NFIX: variants seen among roughly 807,000 people sequenced by gnomAD.
The protein encoded by NFIX is nuclear factor I X.
In NFIX, 2 loss-of-function variants were observed where a neutral mutation model predicts 53.3. The observed-to-expected ratio is 0.04, with a 90% CI of 0.02 to 0.12. NFIX has a LOEUF of 0.12. NFIX is among the 10% of genes least tolerant of loss of function. NFIX has a pLI of 1.00. For synonymous variants in NFIX, 244 were observed against 289.0 expected, an observed-to-expected ratio of 0.84 and a Z score of 1.58; for missense variants, 310 against 674.5, an observed-to-expected ratio of 0.46 and a Z score of 5.99.
intron 1 of NFIX, among the ~76,000 whole-genome samples, chr19:13,018,234 G>A (rs1271730458): frequency 6.6e-6 from 1 of 151,594 alleles, no homozygotes; most frequent in Non-Finnish European, 1.5e-5. Context: ...AGGGAGATGT[G>A]CCTGGAGCAG....
rs535195530 is a variant in NFIX at position 13,015,568 on chromosome 19, G to A, written c.28-9453G>A. ...CTTTGGGAACCCCTGGCTCTGCAGA[G>A]TCATTTTCCTTCATGACCTACATAC... is the stretch of plus-strand genomic sequence containing the variant. On this transcript the variant is annotated intron_variant, in intron 1 of 10. Coordinates refer to ENST00000592199, the MANE Select transcript of NFIX (RefSeq NM_001365902.3). Among the ~76,000 whole-genome samples the A allele has an allele frequency of 3.9e-5, 6 of 152,336 alleles. No individual in the cohort carries two copies. In the East Asian group the frequency reaches 1.2e-3, roughly 29 times the overall value.
At chr19:13,062,777 T>A (rs577489524) in intron 2 of NFIX, among the ~76,000 whole-genome samples, 1 of 152,238 alleles carries the variant, frequency 6.6e-6, no homozygotes, top group Non-Finnish European at 1.5e-5. Flanking sequence ...GGTCAGTCCC[T>A]GCTCCACCAA....
intron 2 of NFIX, among the ~76,000 whole-genome samples, chr19:13,031,841 C>T (rs988602600): frequency 2.0e-5 from 3 of 152,158 alleles, no homozygotes; most frequent in Non-Finnish European, 4.4e-5. Context: ...GCCAGTGCTA[C>T]GTTCTCCCTC....
Position 13,094,795 on chromosome 19 carries a change from T to C in NFIX, c.*146T>C. 1 of 834,432 alleles carries C rather than the reference T, an allele frequency of 1.2e-6. No homozygotes were observed. The highest frequency in any genetic ancestry group is 1.9e-6 in the Non-Finnish European group (1 of 538,616). The allele number at this position is 834,432 out of a possible 1,614,324, so 51.7% of individuals were successfully genotyped here. ...CACGTCGTCAGCCACTCAGCCCTTCTCTCCTCCAGCCCGGGGACCCCCGCG... is the reference window on the plus strand; with the variant it reads ...CACGTCGTCAGCCACTCAGCCCTTCCCTCCTCCAGCCCGGGGACCCCCGCG... On this transcript the variant is annotated 3_prime_UTR_variant, in exon 11 of 11. Transcript: ENST00000592199. This position sits in a 1 kb window ranked among gnomAD's most constrained non-coding sequence, Gnocchi z 4.3.
rs2014301465 is a variant in NFIX at position 13,037,659 on chromosome 19, A to G, written c.559+12107A>G. Among the ~76,000 whole-genome samples, 1 of 152,186 alleles carries G rather than the reference A, an allele frequency of 6.6e-6. No homozygotes were observed. The highest frequency in any genetic ancestry group is 1.5e-5 in the Non-Finnish European group (1 of 68,036). On this transcript the variant is annotated intron_variant, in intron 2 of 10. Coordinates refer to ENST00000592199, the MANE Select transcript of NFIX (RefSeq NM_001365902.3). This position sits in a 1 kb window ranked among gnomAD's most constrained non-coding sequence, Gnocchi z 4.2. ...GACCAACTCGTCCTGGTTTGCTCAG[A>G]GTTTCACAGCCCCTCACCTCGGTAA...
chr19:13,000,560 G>A (rs1548546), intron 1 of NFIX, among the ~76,000 whole-genome samples: 66,095 of 148,148 alleles, frequency 0.45, 15,173 homozygotes, highest in East Asian at 0.64. Context: ...GGGGGAGAGT[G>A]GGGGGCAGGA....
At chr19:13,085,536 G>A in intron 8 of NFIX, among the ~76,000 whole-genome samples, 1 of 152,212 alleles carries the variant, frequency 6.6e-6, no homozygotes, top group East Asian at 1.9e-4. Flanking sequence ...TTTCTCTGCA[G>A]CGCTGCAAAC....
At chr19:13,054,226 T>C (rs1196599293) in intron 2 of NFIX, among the ~76,000 whole-genome samples, 1 of 152,044 alleles carries the variant, frequency 6.6e-6, no homozygotes, top group African/African-American at 2.4e-5. Context: ...GGGGGACAAG[T>C]GGAGGTTCAA....
At position 13,025,732 on chromosome 19, in the gene NFIX, C is replaced by T. The variant is rs1251832585; in HGVS notation, c.559+180C>T. ...TTTTCCTTTTTCCTGTCTTCTGTCT[C>T]CCCCGACCTGTTCTATTCTTCCTCC... is the stretch of plus-strand genomic sequence containing the variant. On this transcript the variant is annotated intron_variant, in intron 2 of 10. Transcript: ENST00000592199. The surrounding 1 kb of genome is among the most constrained non-coding windows in gnomAD (Gnocchi z 7.5). Among the ~76,000 whole-genome samples, 4 of 152,182 alleles carry T rather than the reference C, an allele frequency of 2.6e-5. No homozygotes were observed. The highest frequency in any genetic ancestry group is 7.2e-5 in the African/African-American group (3 of 41,446).
At chr19:13,079,202 A>G (rs753529738) in intron 7 of NFIX, among the ~76,000 whole-genome samples, 8 of 152,128 alleles carry the variant, frequency 5.3e-5, no homozygotes, top group Non-Finnish European at 1.2e-4. Flanking sequence ...GAGTACTCCT[A>G]AGGAGCCCAG....
intron 2 of NFIX, among the ~76,000 whole-genome samples, chr19:13,031,414 AGCAGAAGGGCTGGGGTCCAGACGT>A (rs1039309649): frequency 6.6e-6 from 1 of 152,200 alleles, no homozygotes; most frequent in African/African-American, 2.4e-5. Context: ...GCTACTCTGC[AGCAGAAGGGCTGGGGTCCAGACGT>A]GCAGAAGGAC....
At chr19:13,053,656 G>A (rs1385601705) in intron 2 of NFIX, among the ~76,000 whole-genome samples, 1 of 152,208 alleles carries the variant, frequency 6.6e-6, no homozygotes, top group African/African-American at 2.4e-5. Context: ...AAGGATGTCA[G>A]TGGGGCACCT....
intron 2 of NFIX, among the ~76,000 whole-genome samples, chr19:13,053,512 G>A (rs548245873): frequency 6.8e-4 from 104 of 152,246 alleles, no homozygotes; most frequent in African/African-American, 2.5e-3. Context: ...ATGGGAGCAG[G>A]GTGACTCTGG....
Position 13,021,606 on chromosome 19 carries a change from A to T in NFIX, c.28-3415A>T, listed in dbSNP as rs1843844781. On this transcript the variant is annotated intron_variant, in intron 1 of 10. Coordinates refer to ENST00000592199, the MANE Select transcript of NFIX (RefSeq NM_001365902.3). The surrounding 1 kb of genome is among the most constrained non-coding windows in gnomAD (Gnocchi z 4.2). ...GGGCGGCTGTAGGGATGGGGTTCTG[A>T]GTGGAATTGGATCCCTTTCTCCCTG... Among the ~76,000 whole-genome samples, 1 of 152,068 alleles carries T rather than the reference A, an allele frequency of 6.6e-6. No individual in the cohort carries two copies. Among genetic ancestry groups the T allele is most frequent in the African/African-American group, 2.4e-5 (1 of 41,392 alleles).
chr19:13,050,310 A>G (rs993131966), intron 2 of NFIX, among the ~76,000 whole-genome samples: 6 of 152,140 alleles, frequency 3.9e-5, no homozygotes, highest in African/African-American at 1.4e-4. Flanking sequence ...TGTATCTGGC[A>G]TGGTCCCTTC....
At position 13,036,212 on chromosome 19, in the gene NFIX, G is replaced by A. The variant is rs1230175706; in HGVS notation, c.559+10660G>A. On this transcript the variant is annotated intron_variant, in intron 2 of 10. Coordinates refer to ENST00000592199, the MANE Select transcript of NFIX (RefSeq NM_001365902.3). This position sits in a 1 kb window ranked among gnomAD's most constrained non-coding sequence, Gnocchi z 4.7. ...CCTAGGAAGGCGAGGGCTCTCCTTC[G>A]TGTGGAGTAGACCCTTCGCCAACTG... is the stretch of plus-strand genomic sequence containing the variant. Among the ~76,000 whole-genome samples the A allele has an allele frequency of 2.0e-5, 3 of 152,216 alleles. No homozygotes were observed. The highest frequency in any genetic ancestry group is 4.4e-5 in the Non-Finnish European group (3 of 68,026).
chr19:12,999,208 C>G (rs1216322636), intron 1 of NFIX, among the ~76,000 whole-genome samples: 1 of 150,972 alleles, frequency 6.6e-6, no homozygotes, highest in Non-Finnish European at 1.5e-5. Context: ...GAGCCTTGCT[C>G]TGTCGCCCAG....
intron 2 of NFIX, among the ~76,000 whole-genome samples, chr19:13,042,526 TTG>T (rs1316380150): frequency 1.3e-4 from 20 of 151,906 alleles, no homozygotes; most frequent in Admixed American, 1.3e-3. Flanking sequence ...GGCTATTTTT[TTG>T]TGTGTTTTTA....
In NFIX at chr19:13,081,582, C is replaced by T. The variant is rs185192010; in HGVS notation, c.1079-98C>T. ...GGCTGCCTTACCTGCTCAGGATCCTCAGGACCCTCTGACCGGCAGCTCCCC... is the reference window on the plus strand; with the variant it reads ...GGCTGCCTTACCTGCTCAGGATCCTTAGGACCCTCTGACCGGCAGCTCCCC... On this transcript the variant is annotated intron_variant, in intron 7 of 10. Coordinates refer to ENST00000592199, the MANE Select transcript of NFIX (RefSeq NM_001365902.3). The surrounding 1 kb of genome is among the most constrained non-coding windows in gnomAD (Gnocchi z 4.7). 7.3e-4 allele frequency: 954 copies of T among 1,313,822 alleles called. 10 individuals are homozygous for T. The African/African-American group carries it at 0.012, about 17-fold the overall frequency. The allele number at this position is 1,313,822 out of a possible 1,614,324, so 81.4% of individuals were successfully genotyped here.
Sources: allele counts gnomAD v4.1 joint callset (sites outside exome capture counted in the v4.1 genomes callset), GRCh38; gene constraint gnomAD v4.1.1; non-coding constraint Gnocchi (gnomAD v3.1); transcripts MANE v1.5; gene names NCBI Gene and HGNC (gene_info 2026-07-23, HGNC 2026-07-21).